The following UTS2B variants were observed in gnomAD, a reference collection of about 807,000 sequenced individuals.
The protein encoded by UTS2B is urotensin 2B.
UTS2B carries 21 observed loss-of-function variants against 19.2 expected under a neutral mutation model. That is an observed-to-expected ratio of 1.09 (90% CI 0.78 to 1.58). UTS2B has a LOEUF of 1.58. Ranked by LOEUF, UTS2B falls within the 40% of genes most tolerant of loss-of-function variation. The pLI, the probability that UTS2B is intolerant of heterozygous loss-of-function variation, is 0.00. For missense variants in UTS2B, 138 were observed against 130.3 expected, an observed-to-expected ratio of 1.06 and a Z score of -0.29; for synonymous variants, 57 against 50.2, an observed-to-expected ratio of 1.14 and a Z score of -0.58.
the UTS2B span, among the ~76,000 whole-genome samples, chr3:191,337,815 A>G: frequency 4.7e-4 from 71 of 152,240 alleles, no homozygotes; most frequent in Non-Finnish European, 8.1e-4. Flanking sequence ...AACCACCTTA[A>G]AATGTTTCCT....
chr3:191,315,330 C>G (rs1717419716), intron 3 of UTS2B, among the ~76,000 whole-genome samples: 1 of 152,176 alleles, frequency 6.6e-6, no homozygotes, highest in Admixed American at 6.6e-5. Context: ...CAAAATTAAT[C>G]AAACCCAAGG....
chr3:191,287,871 G>A lies in UTS2B; in HGVS notation c.-124-5558C>T, dbSNP rs146778876. Among the ~76,000 whole-genome samples the A allele has an allele frequency of 4.4e-3, 666 of 152,178 alleles. 9 individuals carry two copies. Among genetic ancestry groups the A allele is most frequent in the African/African-American group, 0.015 (632 of 41,566 alleles). On this transcript the variant is annotated intron_variant, in intron 4 of 8. Coordinates refer to ENST00000340524, the MANE Select transcript of UTS2B (RefSeq NM_198152.5). Reference sequence around the variant, plus strand: ...AGTTAAATTGTCCCTGTTGCAGACAGCTTAATCATGTATATAGAAAACCCT... The same window carrying A: ...AGTTAAATTGTCCCTGTTGCAGACAACTTAATCATGTATATAGAAAACCCT...
At chr3:191,322,726 A>T (rs1717642416) in intron 2 of UTS2B, among the ~76,000 whole-genome samples, 1 of 152,200 alleles carries the variant, frequency 6.6e-6, no homozygotes. Flanking sequence ...AAATTTTGGG[A>T]GTAATATCTT....
At chr3:191,279,170 A>G (rs1426813631) in intron 5 of UTS2B, among the ~76,000 whole-genome samples, 1 of 152,072 alleles carries the variant, frequency 6.6e-6, no homozygotes, top group Non-Finnish European at 1.5e-5. Flanking sequence ...AATTTGGGGC[A>G]AGTGACAGGA....
intron 4 of UTS2B, among the ~76,000 whole-genome samples, chr3:191,290,226 G>A (rs1199354218): frequency 6.6e-6 from 1 of 152,114 alleles, no homozygotes; most frequent in Non-Finnish European, 1.5e-5. Context: ...CTTGTCATGA[G>A]TGCATAACCA....
intron 2 of UTS2B, among the ~76,000 whole-genome samples, chr3:191,319,006 A>T (rs190234968): frequency 2.2e-4 from 34 of 152,278 alleles, no homozygotes; most frequent in Non-Finnish European, 4.3e-4. Context: ...AGGTACATAT[A>T]CATTTGTAGA....
chr3:191,338,675 A>G, the UTS2B span, among the ~76,000 whole-genome samples: 2 of 152,176 alleles, frequency 1.3e-5, no homozygotes, highest in African/African-American at 2.4e-5. Flanking sequence ...TTCTTTTTAT[A>G]GTTTCCCCAT....
At chr3:191,312,240 G>A (rs989606748) in intron 3 of UTS2B, among the ~76,000 whole-genome samples, 1 of 151,728 alleles carries the variant, frequency 6.6e-6, no homozygotes, top group Admixed American at 6.6e-5. Flanking sequence ...GCAAATTATT[G>A]GGCTGTGCTT....
chr3:191,329,616 C>A, intron 1 of UTS2B: 1 of 1,562,328 alleles, frequency 6.4e-7, no homozygotes, highest in Non-Finnish European at 8.7e-7. Context: ...GGGCCCCGCT[C>A]GGCGCCGGCG....
intron 2 of UTS2B, among the ~76,000 whole-genome samples, chr3:191,324,141 A>G (rs557079438): frequency 6.6e-6 from 1 of 152,264 alleles, no homozygotes; most frequent in African/African-American, 2.4e-5. Context: ...GAGGCTTTAC[A>G]AGAAGAAGAG....
intron 2 of UTS2B, among the ~76,000 whole-genome samples, chr3:191,321,693 T>C (rs191626313): frequency 6.6e-6 from 1 of 152,202 alleles, no homozygotes; most frequent in African/African-American, 2.4e-5. Flanking sequence ...TAAATGTGTA[T>C]GTGTACATAC....
intron 3 of UTS2B, among the ~76,000 whole-genome samples, chr3:191,310,582 G>A (rs184376146): frequency 1.7e-4 from 26 of 152,272 alleles, no homozygotes; most frequent in Non-Finnish European, 3.5e-4. Flanking sequence ...CTATTTCTGT[G>A]AGTAATGAAC....
intron 3 of UTS2B, among the ~76,000 whole-genome samples, chr3:191,314,546 C>T (rs1286109707): frequency 6.6e-6 from 1 of 152,110 alleles, no homozygotes; most frequent in African/African-American, 2.4e-5. Flanking sequence ...TGGCATACAA[C>T]CAAAATCTTT....
chr3:191,335,629 A>T, the UTS2B span, among the ~76,000 whole-genome samples: 1 of 152,170 alleles, frequency 6.6e-6, no homozygotes, highest in Non-Finnish European at 1.5e-5. Context: ...GCATACACAC[A>T]TACATTAAGT....
At chr3:191,335,689 AC>A in the UTS2B span, among the ~76,000 whole-genome samples, 1 of 152,210 alleles carries the variant, frequency 6.6e-6, no homozygotes, top group Non-Finnish European at 1.5e-5. Flanking sequence ...AGGAAAAAAA[AC>A]AAAGCAGTAA....
chr3:191,344,031 T>A, the UTS2B span, among the ~76,000 whole-genome samples: 1 of 152,140 alleles, frequency 6.6e-6, no homozygotes, highest in Admixed American at 6.5e-5. Flanking sequence ...ATAGGAGAAA[T>A]GTAAATATGC....
At chr3:191,315,983 G>A (rs1717436644) in intron 3 of UTS2B, 53 bp downstream of exon 3, 1 of 152,168 alleles carries the variant, frequency 6.6e-6, no homozygotes, top group Non-Finnish European at 1.5e-5. Context: ...AGTAGCATGT[G>A]TTTATTTATT....
rs1315802441 is a variant in UTS2B at position 191,327,046 on chromosome 3, T to G, written c.-586+1585A>C. On this transcript the variant is annotated intron_variant, in intron 2 of 8. Coordinates refer to ENST00000340524, the MANE Select transcript of UTS2B (RefSeq NM_198152.5). Reference sequence around the variant, plus strand: ...AAATGTGGATATTTTTATGCATATCTTACTGTAAGCACATCATATTTTAAG... The same window carrying G: ...AAATGTGGATATTTTTATGCATATCGTACTGTAAGCACATCATATTTTAAG... 2.0e-5 allele frequency among the ~76,000 whole-genome samples: 3 copies of G among 152,258 alleles called. 1 individual carries two copies. The highest frequency in any genetic ancestry group is 1.3e-4 in the Admixed American group (2 of 15,288).
chr3:191,305,700 G>A (rs2108597931), intron 3 of UTS2B, among the ~76,000 whole-genome samples: 1 of 152,164 alleles, frequency 6.6e-6, no homozygotes, highest in South Asian at 2.1e-4. Flanking sequence ...TTCTTTTGTT[G>A]CAGTTGCTTT....
Sources: allele counts gnomAD v4.1 joint callset (sites outside exome capture counted in the v4.1 genomes callset), GRCh38; gene constraint gnomAD v4.1.1; transcripts MANE v1.5; gene names NCBI Gene and HGNC (gene_info 2026-07-23, HGNC 2026-07-21).